CLNK: variants seen among roughly 807,000 people sequenced by gnomAD.
CLNK encodes cytokine-dependent hematopoietic cell linker.
CLNK carries 74 observed loss-of-function variants against 68.6 expected under a neutral mutation model. The observed-to-expected ratio is 1.08, with a 90% CI of 0.89 to 1.31. CLNK has a LOEUF of 1.31. Among genes scored for constraint, CLNK ranks in the 50% most tolerant of loss-of-function variants. CLNK has a pLI of 0.00. For synonymous variants in CLNK, 198 were observed against 172.2 expected (o/e 1.15, Z -1.17); for missense variants, 553 against 515.3 (o/e 1.07, Z -0.71).
chr4:10,507,862 AT>A, intron 17 of CLNK, 96 bp downstream of exon 17: 1 of 888,710 alleles, frequency 1.1e-6, no homozygotes, highest in South Asian at 1.6e-5. Flanking sequence ...GAAATAATAC[AT>A]GAAAGCAAGC....
At chr4:10,578,856 G>A (rs900061094) in intron 4 of CLNK, among the ~76,000 whole-genome samples, 2 of 152,082 alleles carry the variant, frequency 1.3e-5, no homozygotes, top group Non-Finnish European at 2.9e-5. Context: ...ACAGGTGTGC[G>A]CCACCATGCC....
At chr4:10,612,631 C>A (rs1030654491) in intron 2 of CLNK, among the ~76,000 whole-genome samples, 2 of 152,152 alleles carry the variant, frequency 1.3e-5, no homozygotes, top group Non-Finnish European at 2.9e-5. Context: ...TGGCTGGAAT[C>A]CTAGATTTAC....
At chr4:10,593,894 G>A (rs753944713) in intron 3 of CLNK, among the ~76,000 whole-genome samples, 14 of 152,224 alleles carry the variant, frequency 9.2e-5, no homozygotes, top group Non-Finnish European at 1.6e-4. Context: ...TCGCTGTCAA[G>A]AGTAAAGGAT....
At chr4:10,541,075 A>C (rs1232812227) in intron 10 of CLNK, among the ~76,000 whole-genome samples, 1 of 152,058 alleles carries the variant, frequency 6.6e-6, no homozygotes, top group Non-Finnish European at 1.5e-5. Flanking sequence ...TTAGCCAGTC[A>C]TGGTGGCATG....
chr4:10,505,913 T>C (rs1717271711), intron 17 of CLNK, among the ~76,000 whole-genome samples: 1 of 152,244 alleles, frequency 6.6e-6, no homozygotes, highest in Non-Finnish European at 1.5e-5. Flanking sequence ...TATAATTTAT[T>C]TAATTTTACA....
chr4:10,543,199 GAGA>G (rs1389718185), intron 8 of CLNK, among the ~76,000 whole-genome samples: 3 of 152,198 alleles, frequency 2.0e-5, no homozygotes, highest in Non-Finnish European at 4.4e-5. Flanking sequence ...ATGTCAAGTA[GAGA>G]AGGACAAAGT....
chr4:10,699,512 A>ATATATATATTTTTTTTTT, the CLNK span, among the ~76,000 whole-genome samples: 2 of 32,746 alleles, frequency 6.1e-5, no homozygotes, highest in African/African-American at 2.3e-4. Context: ...ATATATATAT[A>ATATATATATTTTTTTTTT]TTTTTTTTTT....
intron 2 of CLNK, among the ~76,000 whole-genome samples, chr4:10,602,396 A>C (rs1334743483): frequency 6.6e-6 from 1 of 152,216 alleles, no homozygotes; most frequent in Non-Finnish European, 1.5e-5. Context: ...GGATCTTGAG[A>C]TCAGATGATC....
At chr4:10,732,002 G>A in the CLNK span, among the ~76,000 whole-genome samples, 2 of 152,156 alleles carry the variant, frequency 1.3e-5, no homozygotes, top group South Asian at 4.1e-4. Context: ...CATTATGGCT[G>A]ATTTCAAGCA....
chr4:10,625,456 C>T (rs993214947), intron 2 of CLNK, among the ~76,000 whole-genome samples: 1 of 152,194 alleles, frequency 6.6e-6, no homozygotes, highest in Non-Finnish European at 1.5e-5. Flanking sequence ...CCCTTAGACC[C>T]AGTGAGATCA....
chr4:10,554,069 C>T (rs540611468), intron 8 of CLNK, among the ~76,000 whole-genome samples: 1 of 152,274 alleles, frequency 6.6e-6, no homozygotes, highest in East Asian at 1.9e-4. Context: ...AATAACTCTT[C>T]CATTCTGCTG....
In CLNK at chr4:10,488,752, C is replaced by A. The variant is rs970758510; in HGVS notation, c.*1715G>T. On this transcript the variant is annotated 3_prime_UTR_variant, in exon 19 of 19. Coordinates refer to ENST00000226951, the MANE Select transcript of CLNK (RefSeq NM_052964.4). ...CAGGTATTTGGATAGTGGGTAGATG[C>A]TAAGAGCTTTTCCCAGAGAGCTCAT... 19 of 152,204 alleles carry A rather than the reference C, an allele frequency of 1.2e-4. No individual in the cohort carries two copies. Among genetic ancestry groups the A allele is most frequent in the African/African-American group, 4.6e-4 (19 of 41,448 alleles). The allele number at this position is 152,204 out of a possible 1,614,324, so 9.4% of individuals were successfully genotyped here. A position where few individuals can be genotyped will look rare whatever the true frequency, so the allele number is the denominator to read the frequency against.
At chr4:10,511,205 A>G (rs1395607122) in intron 16 of CLNK, among the ~76,000 whole-genome samples, 2 of 152,012 alleles carry the variant, frequency 1.3e-5, no homozygotes, top group Non-Finnish European at 2.9e-5. Context: ...GAAGTCTCCT[A>G]TCTCCCTAAA....
intron 11 of CLNK, among the ~76,000 whole-genome samples, chr4:10,535,255 G>GAAAGAAAGAAAGAA (rs1560205715): frequency 7.4e-6 from 1 of 134,454 alleles, no homozygotes; most frequent in Non-Finnish European, 1.6e-5. Context: ...AAGAAAGAAA[G>GAAAGAAAGAAAGAA]AAAGAAAGAA....
rs1475797400 is a variant in CLNK, at chr4:10,490,752, G to A, written c.1141-139C>T. Reference sequence around the variant, plus strand: ...TGTTTGTATGGTAAAGGTGTTTCAGGAAGTGGTTTTTGGTTTGTTTGTTTT... The same window carrying A: ...TGTTTGTATGGTAAAGGTGTTTCAGAAAGTGGTTTTTGGTTTGTTTGTTTT... On this transcript the variant is annotated intron_variant, in intron 18 of 18. Coordinates refer to ENST00000226951, the MANE Select transcript of CLNK (RefSeq NM_052964.4). 4 of 687,242 alleles carry A rather than the reference G, an allele frequency of 5.8e-6. No homozygotes were observed. In the African/African-American group the frequency reaches 7.4e-5, roughly 13 times the overall value. 42.6% of individuals were successfully genotyped at this position (687,242 alleles called of 1,614,324 possible). A position where few individuals can be genotyped will look rare whatever the true frequency, so the allele number is the denominator to read the frequency against.
At chr4:10,514,706 C>G (rs1227134936) in intron 15 of CLNK, among the ~76,000 whole-genome samples, 5 of 150,890 alleles carry the variant, frequency 3.3e-5, no homozygotes. Flanking sequence ...GACTTCATGT[C>G]CAAAACACCA....
At chr4:10,519,139 G>C (rs532062895) in intron 15 of CLNK, among the ~76,000 whole-genome samples, 1 of 152,224 alleles carries the variant, frequency 6.6e-6, no homozygotes, top group South Asian at 2.1e-4. Context: ...TCCATCCCAG[G>C]CTTCTTTCAG....
At chr4:10,559,036 C>T (rs539402595) in intron 7 of CLNK, among the ~76,000 whole-genome samples, 26 of 152,216 alleles carry the variant, frequency 1.7e-4, no homozygotes, top group South Asian at 4.1e-4. Context: ...AGCACTGTGC[C>T]GAGAACACAG....
At chr4:10,505,252 G>T (rs1421645107) in intron 17 of CLNK, among the ~76,000 whole-genome samples, 2 of 152,172 alleles carry the variant, frequency 1.3e-5, no homozygotes, top group African/African-American at 4.8e-5. Context: ...ACCACCCACG[G>T]CTCTCCACCC....
Sources: gnomAD v4.1 joint callset for allele counts (sites outside exome capture counted in the v4.1 genomes callset) on GRCh38, gnomAD v4.1.1 for gene constraint, MANE v1.5 for transcripts, NCBI Gene and HGNC (gene_info 2026-07-23, HGNC 2026-07-21) for gene names.